RALB: variants seen among roughly 807,000 people sequenced by gnomAD.
RALB encodes the protein ras-related protein Ral-B.
Under a neutral mutation model 21.3 loss-of-function variants are expected in RALB, and 16 were observed. That is an observed-to-expected ratio of 0.75 (90% confidence interval 0.51 to 1.14). The LOEUF is 1.14. Ranked by LOEUF, RALB falls within the 50% of genes most tolerant of loss-of-function variation. The pLI is 0.00. For missense variants in RALB, 161 were observed against 256.2 expected, an observed-to-expected ratio of 0.63 and a Z score of 2.54; for synonymous variants, 93 against 96.1, an observed-to-expected ratio of 0.97 and a Z score of 0.19.
At chr2:120,278,208 G>C (rs1341601388) in intron 1 of RALB, among the ~76,000 whole-genome samples, 2 of 152,152 alleles carry the variant, frequency 1.3e-5, no homozygotes. Flanking sequence ...GAGGAGTAAA[G>C]CTAAAGAGCT....
At chr2:120,259,774 G>A (rs1336822384) in intron 1 of RALB, among the ~76,000 whole-genome samples, 2 of 152,256 alleles carry the variant, frequency 1.3e-5, no homozygotes, top group Non-Finnish European at 1.5e-5. Context: ...TTGGGTGGTC[G>A]ATGGGACTGG....
At chr2:120,289,150 CACAA>C (rs1037729274) in intron 3 of RALB, among the ~76,000 whole-genome samples, 91 of 152,222 alleles carry the variant, frequency 6.0e-4, no homozygotes, top group African/African-American at 1.6e-3. Context: ...GCTTTTATGT[CACAA>C]ACAAATATTT....
At chr2:120,249,325 G>A (rs1265446527), upstream of RALB, among the ~76,000 whole-genome samples, 2 of 152,118 alleles carry the variant, frequency 1.3e-5, no homozygotes, top group Non-Finnish European at 2.9e-5. Flanking sequence ...GAGCCACCGC[G>A]CCCGTCCGTG....
chr2:120,285,294 A>G (rs1366914267), intron 2 of RALB, among the ~76,000 whole-genome samples: 1 of 152,224 alleles, frequency 6.6e-6, no homozygotes, highest in Non-Finnish European at 1.5e-5. Context: ...ATTGTCTCCC[A>G]TAAGGTCACT....
chr2:120,271,782 C>G (rs181061867), intron 1 of RALB, among the ~76,000 whole-genome samples: 90 of 152,284 alleles, frequency 5.9e-4, no homozygotes, highest in Admixed American at 3.6e-3. Context: ...GTTCATTATG[C>G]TTTCCATTAT....
intron 1 of RALB, among the ~76,000 whole-genome samples, chr2:120,276,247 T>C (rs1005391025): frequency 3.3e-5 from 5 of 152,226 alleles, no homozygotes; most frequent in African/African-American, 1.2e-4. Flanking sequence ...GTTTGTAACC[T>C]GATCTTCCAG....
chr2:120,251,055 G>C (rs1337168966), upstream of RALB, among the ~76,000 whole-genome samples: 2 of 152,222 alleles, frequency 1.3e-5, no homozygotes, highest in Non-Finnish European at 2.9e-5. Context: ...CCCCAGAAAA[G>C]GTGGGGAAAC....
rs776951672 is a variant in RALB, at chr2:120,240,106, C to T, written c.-1C>T. ...AGCGGGTGGCAGGAGGAGGTCTCTG[C>T]ATGAAACAGCGGCAGTCAGGTGGGT... On this transcript the variant is annotated 5_prime_UTR_variant, in exon 1 of 4. Coordinates refer to the RALB transcript ENST00000447591. 3 of 1,289,716 alleles carry T rather than the reference C, an allele frequency of 2.3e-6. No homozygotes were observed. In the East Asian group the frequency reaches 1.7e-4, roughly 72 times the overall value. 79.9% of individuals were successfully genotyped at this position (1,289,716 alleles called of 1,614,324 possible). A position where few individuals can be genotyped will look rare whatever the true frequency, so the allele number is the denominator to read the frequency against.
chr2:120,278,024 T>C (rs1689882823), intron 1 of RALB, among the ~76,000 whole-genome samples: 1 of 104,724 alleles, frequency 9.5e-6, no homozygotes, highest in African/African-American at 4.1e-5. Flanking sequence ...TGTGTGAATG[T>C]GAATGTGAGA....
intron 1 of RALB, among the ~76,000 whole-genome samples, chr2:120,261,683 A>G (rs1478190308): frequency 6.6e-6 from 1 of 152,150 alleles, no homozygotes; most frequent in Non-Finnish European, 1.5e-5. Flanking sequence ...ATGGAGGGGA[A>G]GGGAGCAGGG....
chr2:120,241,242 C>T (rs968892471), intron 1 of RALB, among the ~76,000 whole-genome samples: 5 of 152,232 alleles, frequency 3.3e-5, no homozygotes, highest in African/African-American at 1.2e-4. Flanking sequence ...CCCCAAGAGC[C>T]ACAAGGCCCA....
chr2:120,265,887 G>T (rs551363429), intron 1 of RALB, among the ~76,000 whole-genome samples: 1 of 152,358 alleles, frequency 6.6e-6, no homozygotes, highest in Admixed American at 6.5e-5. Flanking sequence ...GCCTTCAGCT[G>T]TTAGGAGTCC....
rs375547659 is a variant in RALB, at chr2:120,294,233, C to T, written c.*973C>T. ...ATGAGTTAAAGTTGTATTCTGAAATCATGAAGCCAGAGCCTGTGCCAGACC... is the reference window on the plus strand; with the variant it reads ...ATGAGTTAAAGTTGTATTCTGAAATTATGAAGCCAGAGCCTGTGCCAGACC... On this transcript the variant is annotated 3_prime_UTR_variant, in exon 5 of 5. Transcript: ENST00000272519. 4.3e-5 allele frequency: 17 copies of T among 398,618 alleles called. No homozygotes were observed. The highest frequency in any genetic ancestry group is 1.8e-4 in the East Asian group (5 of 28,078). 24.7% of individuals were successfully genotyped at this position (398,618 alleles called of 1,614,324 possible).
intron 1 of RALB, among the ~76,000 whole-genome samples, chr2:120,258,500 G>A (rs950777634): frequency 1.3e-5 from 2 of 152,188 alleles, no homozygotes; most frequent in African/African-American, 4.8e-5. Flanking sequence ...CCAGTGGAGG[G>A]TTTAGCTGCC....
chr2:120,256,099 A>G (rs55877687), intron 1 of RALB, among the ~76,000 whole-genome samples: 105,007 of 151,430 alleles, frequency 0.69, 36,969 homozygotes, highest in Middle Eastern at 0.8. Flanking sequence ...TCTGAAGTTG[A>G]AATCTGGGGA....
At chr2:120,253,889 C>T (rs1421787660) in intron 1 of RALB, among the ~76,000 whole-genome samples, 1 of 152,170 alleles carries the variant, frequency 6.6e-6, no homozygotes, top group Non-Finnish European at 1.5e-5. Context: ...AACCTCATTT[C>T]TTCTGAAGTT....
At chr2:120,267,715 A>AT (rs1366473860) in intron 1 of RALB, among the ~76,000 whole-genome samples, 15 of 152,288 alleles carry the variant, frequency 9.8e-5, no homozygotes, top group Admixed American at 1.3e-4. Flanking sequence ...AGACTTCTTG[A>AT]TTTTTTTAAG....
chr2:120,291,662 A>G (rs1690307071), intron 4 of RALB, among the ~76,000 whole-genome samples: 1 of 152,170 alleles, frequency 6.6e-6, no homozygotes, highest in Non-Finnish European at 1.5e-5. Context: ...TCATCATTTT[A>G]AGTTGGATGC....
At chr2:120,240,450 AT>A (rs112411510) in intron 1 of RALB, among the ~76,000 whole-genome samples, 3 of 149,732 alleles carry the variant, frequency 2.0e-5, no homozygotes, top group South Asian at 4.2e-4. Flanking sequence ...ACATCTGGCT[AT>A]TTTTTTTTCT....
Sources: gnomAD v4.1 joint callset for allele counts (sites outside exome capture counted in the v4.1 genomes callset) on GRCh38, gnomAD v4.1.1 for gene constraint, MANE v1.5 for transcripts, NCBI Gene and HGNC (gene_info 2026-07-23, HGNC 2026-07-21) for gene names.